The following DACH1 variants were observed in gnomAD, a reference collection of about 807,000 sequenced individuals.
The protein encoded by DACH1 is dachshund family transcription factor 1.
A neutral mutation model predicts 54.2 loss-of-function variants in DACH1; 12 were observed. The observed-to-expected ratio is 0.22, with a 90% CI of 0.14 to 0.36. The LOEUF is 0.36. Among genes scored for constraint, DACH1 ranks in the 10% least tolerant of loss-of-function variants. The pLI is 1.00. For synonymous variants in DACH1, 386 were observed against 366.2 expected, an observed-to-expected ratio of 1.05 and a Z score of -0.62; for missense variants, 805 against 929.8, an observed-to-expected ratio of 0.87 and a Z score of 1.75.
chr13:71,521,327 T>C (rs1251607224), intron 6 of DACH1, among the ~76,000 whole-genome samples: 1 of 152,014 alleles, frequency 6.6e-6, no homozygotes, highest in Non-Finnish European at 1.5e-5. Flanking sequence ...TTCTGTCCCC[T>C]TTATAATAGG....
At chr13:71,765,084 C>T (rs750991090) in intron 1 of DACH1, among the ~76,000 whole-genome samples, 15 of 152,106 alleles carry the variant, frequency 9.9e-5, no homozygotes, top group Non-Finnish European at 1.8e-4. Context: ...CCACTGATAC[C>T]AATACAGTCT....
chr13:71,604,034 G>A (rs1280495061), intron 3 of DACH1, among the ~76,000 whole-genome samples: 1 of 151,706 alleles, frequency 6.6e-6, no homozygotes, highest in Non-Finnish European at 1.5e-5. Context: ...ATTGTGGGGG[G>A]CTTGATGGGA....
intron 3 of DACH1, among the ~76,000 whole-genome samples, chr13:71,616,879 AT>A (rs1171502107): frequency 0.057 from 8,009 of 140,222 alleles, 227 homozygotes; most frequent in African/African-American, 0.061. Flanking sequence ...TCGGGGTTCA[AT>A]TTTTTTTTTT....
At chr13:71,526,382 T>C (rs554412890) in intron 6 of DACH1, among the ~76,000 whole-genome samples, 1 of 152,106 alleles carries the variant, frequency 6.6e-6, no homozygotes, top group African/African-American at 2.4e-5. Context: ...TCTTATCATA[T>C]TGTAATGGAA....
At chr13:71,508,626 G>A (rs1418689551) in intron 6 of DACH1, among the ~76,000 whole-genome samples, 3 of 151,634 alleles carry the variant, frequency 2.0e-5, no homozygotes, top group Non-Finnish European at 4.4e-5. Flanking sequence ...ACCAACTTGG[G>A]TAACTTTTTT....
chr13:71,825,357 C>T (rs1217110740), intron 1 of DACH1, among the ~76,000 whole-genome samples: 1 of 152,022 alleles, frequency 6.6e-6, no homozygotes, highest in African/African-American at 2.4e-5. Flanking sequence ...TTACAGTATG[C>T]AATTCAATGA....
intron 1 of DACH1, among the ~76,000 whole-genome samples, chr13:71,771,966 T>C (rs573363506): frequency 1.3e-5 from 2 of 151,586 alleles, no homozygotes; most frequent in African/African-American, 4.8e-5. Context: ...TAACGTGTTA[T>C]CTAAAGTTAC....
intron 6 of DACH1, among the ~76,000 whole-genome samples, chr13:71,513,398 T>C (rs934373064): frequency 5.9e-5 from 9 of 152,012 alleles, no homozygotes; most frequent in African/African-American, 2.2e-4. Context: ...TCATCTGCTC[T>C]ATATAATAAC....
At chr13:71,799,920 T>C (rs538923694) in intron 1 of DACH1, among the ~76,000 whole-genome samples, 48 of 152,238 alleles carry the variant, frequency 3.2e-4, no homozygotes, top group Non-Finnish European at 5.0e-4. Context: ...TGTACACTAT[T>C]TTATTAGTGA....
At chr13:71,693,943 C>T (rs1355295908) in intron 1 of DACH1, among the ~76,000 whole-genome samples, 1 of 152,046 alleles carries the variant, frequency 6.6e-6, no homozygotes, top group Non-Finnish European at 1.5e-5. Flanking sequence ...TAAGCATCTT[C>T]ACATATAAAT....
At chr13:71,643,801 CT>C (rs1878080146) in intron 2 of DACH1, among the ~76,000 whole-genome samples, 1 of 151,860 alleles carries the variant, frequency 6.6e-6, no homozygotes, top group African/African-American at 2.4e-5. Flanking sequence ...CCATGTGTGA[CT>C]TTTAAAGCAG....
Position 71,841,367 on chromosome 13 carries a change from G to A in DACH1, c.848+24555C>T, listed in dbSNP as rs1027189938. Among the ~76,000 whole-genome samples, 6 of 152,002 alleles carry A rather than the reference G, an allele frequency of 3.9e-5. No homozygotes were observed. In the East Asian group the frequency reaches 1.2e-3, roughly 29 times the overall value. ...TTGCACACAGGGAAGGGAGAGCGGG[G>A]AGGGAGGAGGTGGCAAGAGGTTGAT... On this transcript the variant is annotated intron_variant, in intron 1 of 10. Coordinates refer to ENST00000613252, the MANE Select transcript of DACH1 (RefSeq NM_080759.6).
chr13:71,459,433 G>C (rs1468044509), intron 10 of DACH1, among the ~76,000 whole-genome samples: 1 of 151,882 alleles, frequency 6.6e-6, no homozygotes, highest in Non-Finnish European at 1.5e-5. Context: ...AAAATTATTT[G>C]AGTGAAAGAC....
rs910178521 is a variant in DACH1 at position 71,866,853 on chromosome 13, G to T, written c.-84C>A. On this transcript the variant is annotated 5_prime_UTR_variant, in exon 1 of 11. Coordinates refer to ENST00000613252, the MANE Select transcript of DACH1 (RefSeq NM_080759.6). ...CCCGGGAGGGGAAGGGGAAAAAAGG[G>T]GGGAGAAGGAGCGAGGGGGGCAACA... The T allele has an allele frequency of 5.4e-6, 6 of 1,105,060 alleles. No individual in the cohort carries two copies. In the African/African-American group the frequency reaches 8.4e-5, roughly 15 times the overall value. The allele number at this position is 1,105,060 out of a possible 1,614,324, so 68.5% of individuals were successfully genotyped here. A position where few individuals can be genotyped will look rare whatever the true frequency, so the allele number is the denominator to read the frequency against.
chr13:71,743,284 A>T (rs142296040), intron 1 of DACH1, among the ~76,000 whole-genome samples: 1 of 152,260 alleles, frequency 6.6e-6, no homozygotes, highest in African/African-American at 2.4e-5. Context: ...TGTGGAACAG[A>T]GTGGGGGGAA....
At chr13:71,520,530 A>G (rs2138279980) in intron 6 of DACH1, among the ~76,000 whole-genome samples, 1 of 151,442 alleles carries the variant, frequency 6.6e-6, no homozygotes, top group East Asian at 1.9e-4. Flanking sequence ...GGAATCTAGT[A>G]TGTAAACCAA....
At chr13:71,454,899 T>C (rs533585666) in intron 10 of DACH1, among the ~76,000 whole-genome samples, 2 of 152,356 alleles carry the variant, frequency 1.3e-5, no homozygotes, top group South Asian at 4.1e-4. Flanking sequence ...GTTGTGACAC[T>C]AATAGTCATT....
intron 2 of DACH1, among the ~76,000 whole-genome samples, chr13:71,669,327 G>T (rs1488901520): frequency 2.0e-5 from 3 of 152,076 alleles, no homozygotes; most frequent in Non-Finnish European, 1.5e-5. Context: ...TCTCCTGTCA[G>T]ATCAGTGAGG....
chr13:71,728,419 A>G (rs879358543), intron 1 of DACH1, among the ~76,000 whole-genome samples: 2 of 152,010 alleles, frequency 1.3e-5, no homozygotes, highest in African/African-American at 4.8e-5. Context: ...GAAGAGTCTA[A>G]AGAAATGAGT....
Sources: allele counts gnomAD v4.1 joint callset (sites outside exome capture counted in the v4.1 genomes callset), GRCh38; gene constraint gnomAD v4.1.1; transcripts MANE v1.5; gene names NCBI Gene and HGNC (gene_info 2026-07-23, HGNC 2026-07-21).